DOK6: variants seen among roughly 807,000 people sequenced by gnomAD.
The protein encoded by DOK6 is docking protein 6.
DOK6 carries 22 observed loss-of-function variants against 44.0 expected under a neutral mutation model. The ratio of observed to expected loss-of-function variants is 0.50; its 90% CI spans 0.36 to 0.71. The LOEUF (loss-of-function observed/expected upper bound fraction) is 0.71, where lower values mean the gene tolerates loss of function less well. Among genes scored for constraint, DOK6 ranks in the 30% least tolerant of loss-of-function variants. The pLI is 0.00. For missense variants in DOK6, 340 were observed against 416.4 expected, an observed-to-expected ratio of 0.82 and a Z score of 1.60; for synonymous variants, 166 against 145.5, an observed-to-expected ratio of 1.14 and a Z score of -1.01.
intron 1 of DOK6, among the ~76,000 whole-genome samples, chr18:69,551,318 A>G (rs576486450): frequency 5.3e-5 from 8 of 152,222 alleles, no homozygotes; most frequent in Non-Finnish European, 8.8e-5. Context: ...ATAATCACTG[A>G]CTTAATATTT....
chr18:69,806,661 C>T (rs1981059275), intron 7 of DOK6, among the ~76,000 whole-genome samples: 1 of 151,898 alleles, frequency 6.6e-6, no homozygotes, highest in Admixed American at 6.6e-5. Flanking sequence ...ATTTATCCAT[C>T]ACTATAGTTC....
chr18:69,678,442 A>G (rs1429539058), intron 4 of DOK6, among the ~76,000 whole-genome samples: 8 of 152,172 alleles, frequency 5.3e-5, no homozygotes, highest in African/African-American at 1.4e-4. Flanking sequence ...GCATCCCTCC[A>G]GTTTCTTCTT....
intron 2 of DOK6, among the ~76,000 whole-genome samples, chr18:69,585,028 A>G (rs1042932157): frequency 1.3e-4 from 20 of 150,444 alleles, no homozygotes; most frequent in African/African-American, 4.6e-4. Context: ...TTTTCATTTC[A>G]TTGATTTCTG....
At chr18:69,471,250 CAAAAAAAAAAAAAAAA>C (rs71176969) in intron 1 of DOK6, among the ~76,000 whole-genome samples, 8 of 27,784 alleles carry the variant, frequency 2.9e-4, no homozygotes, top group African/African-American at 9.2e-4. Flanking sequence ...AACTCCATCT[CAAAAAAAAAAAAAAAA>C]AAAAAAAAAA....
At chr18:69,492,359 A>G (rs1330576948) in intron 1 of DOK6, among the ~76,000 whole-genome samples, 1 of 152,126 alleles carries the variant, frequency 6.6e-6, no homozygotes, top group Non-Finnish European at 1.5e-5. Context: ...GCAAGCTCCA[A>G]TTCTAATAAA....
At chr18:69,401,531 C>T (rs1180286542) in intron 1 of DOK6, among the ~76,000 whole-genome samples, 15 of 152,118 alleles carry the variant, frequency 9.9e-5, no homozygotes, top group Non-Finnish European at 2.2e-4. Flanking sequence ...AGTCCCCATC[C>T]TCGAGTGCAC....
chr18:69,651,729 T>A (rs1180212862), intron 3 of DOK6, among the ~76,000 whole-genome samples: 1 of 152,008 alleles, frequency 6.6e-6, no homozygotes, highest in Non-Finnish European at 1.5e-5. Flanking sequence ...CCTCAAGTGA[T>A]CTGCCTCCTC....
intron 7 of DOK6, among the ~76,000 whole-genome samples, chr18:69,823,601 T>C (rs1981639453): frequency 6.7e-6 from 1 of 149,946 alleles, no homozygotes; most frequent in East Asian, 2.0e-4. Context: ...AAAGAGTCCT[T>C]AGGAGAAGGA....
intron 5 of DOK6, among the ~76,000 whole-genome samples, chr18:69,699,827 A>C (rs1986471804): frequency 6.6e-6 from 1 of 152,132 alleles, no homozygotes; most frequent in Non-Finnish European, 1.5e-5. Context: ...TGGCTTTAAA[A>C]AGGTAGTATA....
chr18:69,578,462 C>A (rs937754875), intron 2 of DOK6, among the ~76,000 whole-genome samples: 1 of 152,036 alleles, frequency 6.6e-6, no homozygotes, highest in Non-Finnish European at 1.5e-5. Context: ...GAGAGAAATT[C>A]GGATGATAAT....
At chr18:69,611,142 A>C (rs773259190) in intron 3 of DOK6, among the ~76,000 whole-genome samples, 1 of 152,186 alleles carries the variant, frequency 6.6e-6, no homozygotes, top group Non-Finnish European at 1.5e-5. Context: ...CAAGTATACA[A>C]TTTATCGCAT....
At chr18:69,581,679 C>T (rs774323913) in intron 2 of DOK6, among the ~76,000 whole-genome samples, 45 of 152,318 alleles carry the variant, frequency 3.0e-4, no homozygotes, top group Non-Finnish European at 5.0e-4. Flanking sequence ...TGACACATTA[C>T]TTCCTCTCCC....
chr18:69,754,582 T>C (rs755920954), intron 6 of DOK6, among the ~76,000 whole-genome samples: 13 of 152,126 alleles, frequency 8.5e-5, no homozygotes, highest in South Asian at 4.1e-4. Flanking sequence ...ACAACAGAAA[T>C]TTATTTTCTC....
chr18:69,812,663 A>G (rs949804126), intron 7 of DOK6, among the ~76,000 whole-genome samples: 2 of 152,166 alleles, frequency 1.3e-5, no homozygotes, highest in South Asian at 4.1e-4. Context: ...TCATTCTCAC[A>G]CTGCTAAAAA....
intron 1 of DOK6, among the ~76,000 whole-genome samples, chr18:69,404,086 G>GA (rs1916152225): frequency 1.3e-5 from 2 of 152,084 alleles, no homozygotes; most frequent in South Asian, 4.1e-4. Flanking sequence ...TTCTAATGGA[G>GA]AAAAAAAGGC....
chr18:69,768,954 C>CGTGCGT (rs74175387), intron 7 of DOK6, among the ~76,000 whole-genome samples: 8 of 142,696 alleles, frequency 5.6e-5, no homozygotes, highest in African/African-American at 2.0e-4. Flanking sequence ...GAAGGGTGTG[C>CGTGCGT]GTGTGTGTGT....
Position 69,848,988 on chromosome 18 carries a change from A to G in DOK6, c.*7605A>G, listed in dbSNP as rs1476161180. The G allele has an allele frequency of 6.6e-6, 1 of 152,214 alleles. No individual in the cohort carries two copies. The highest frequency in any genetic ancestry group is 1.5e-5 in the Non-Finnish European group (1 of 68,034). The allele number at this position is 152,214 out of a possible 1,614,324, so 9.4% of individuals were successfully genotyped here. On this transcript the variant is annotated 3_prime_UTR_variant, in exon 8 of 8. Transcript: ENST00000382713. ...AACTATGTAATTAAACAAAATTCTG[A>G]CAATCATATTCTGCTAATGTTTAAA...
At chr18:69,770,341 G>T (rs961734800) in intron 7 of DOK6, among the ~76,000 whole-genome samples, 17 of 152,078 alleles carry the variant, frequency 1.1e-4, no homozygotes, top group Admixed American at 7.2e-4. Flanking sequence ...CACTTGGATA[G>T]GAAAGTTACA....
chr18:69,684,940 C>T (rs1035084019), intron 4 of DOK6, among the ~76,000 whole-genome samples: 1 of 152,122 alleles, frequency 6.6e-6, no homozygotes, highest in African/African-American at 2.4e-5. Context: ...GGACAAGGAA[C>T]TTTATTGGCA....
Sources: gnomAD v4.1 joint callset for allele counts (sites outside exome capture counted in the v4.1 genomes callset) on GRCh38, gnomAD v4.1.1 for gene constraint, MANE v1.5 for transcripts, NCBI Gene and HGNC (gene_info 2026-07-23, HGNC 2026-07-21) for gene names.